Variants in DLGAP2 observed in about 807,000 individuals in gnomAD.
DLGAP2 encodes the protein DLG associated protein 2, also known as disks large-associated protein 2.
A neutral mutation model predicts 100.3 loss-of-function variants in DLGAP2; 26 were observed. That is an observed-to-expected ratio of 0.26 (90% CI 0.19 to 0.36). The LOEUF is 0.36. DLGAP2 is among the 10% of genes least tolerant of loss of function. DLGAP2 has a pLI of 1.00. For synonymous variants in DLGAP2, 886 were observed against 630.1 expected (o/e 1.41, Z -6.08); for missense variants, 1,858 against 1,453.2 (o/e 1.28, Z -4.53).
chr8:1,260,829 C>T (rs1799332212), intron 3 of DLGAP2, among the ~76,000 whole-genome samples: 1 of 152,208 alleles, frequency 6.6e-6, no homozygotes, highest in Admixed American at 6.5e-5. Flanking sequence ...TCGTCCAGAG[C>T]ATGGGGAGGT....
chr8:1,575,018 G>A (rs1039654503), intron 6 of DLGAP2, among the ~76,000 whole-genome samples: 1 of 151,422 alleles, frequency 6.6e-6, no homozygotes, highest in Admixed American at 6.6e-5. Flanking sequence ...CACAGGGACA[G>A]AGAGAGGCAA....
At chr8:990,125 C>G (rs917782380) in intron 2 of DLGAP2, among the ~76,000 whole-genome samples, 1 of 152,076 alleles carries the variant, frequency 6.6e-6, no homozygotes, top group Non-Finnish European at 1.5e-5. Context: ...TACCTCCTTT[C>G]TATCAGCCTG....
intron 3 of DLGAP2, among the ~76,000 whole-genome samples, chr8:1,366,843 G>T (rs1441241869): frequency 6.6e-6 from 1 of 152,188 alleles, no homozygotes; most frequent in Non-Finnish European, 1.5e-5. Flanking sequence ...GAGTTACTGA[G>T]AGATGCAAGA....
chr8:1,225,141 A>C (rs1398007331), intron 2 of DLGAP2, among the ~76,000 whole-genome samples: 1 of 152,250 alleles, frequency 6.6e-6, no homozygotes, highest in Non-Finnish European at 1.5e-5. Flanking sequence ...GTCCATGCTC[A>C]CAGCAGTGCT....
intron 6 of DLGAP2, among the ~76,000 whole-genome samples, chr8:1,603,859 C>G (rs1227762930): frequency 6.6e-6 from 1 of 152,114 alleles, no homozygotes; most frequent in African/African-American, 2.4e-5. Flanking sequence ...GACCACCGTT[C>G]AATATTTGAC....
intron 1 of DLGAP2, among the ~76,000 whole-genome samples, chr8:876,878 T>A (rs943449025): frequency 1.5e-4 from 22 of 151,408 alleles, no homozygotes; most frequent in African/African-American, 3.9e-4. Context: ...TTTTGCAGTT[T>A]GCTTATTCCT....
intron 3 of DLGAP2, among the ~76,000 whole-genome samples, chr8:1,263,499 T>C (rs980272074): frequency 6.6e-6 from 1 of 152,216 alleles, no homozygotes; most frequent in African/African-American, 2.4e-5. Flanking sequence ...TCTCCCTTCA[T>C]AACTCATAAT....
chr8:985,633 C>G (rs1800464578), intron 2 of DLGAP2, among the ~76,000 whole-genome samples: 1 of 152,312 alleles, frequency 6.6e-6, no homozygotes, highest in Non-Finnish European at 1.5e-5. Flanking sequence ...ACATGAAATT[C>G]TAGTAAGTAC....
intron 2 of DLGAP2, among the ~76,000 whole-genome samples, chr8:1,153,309 C>T (rs1796728198): frequency 2.6e-5 from 4 of 152,188 alleles, no homozygotes; most frequent in African/African-American, 9.7e-5. Context: ...TTGGCACTGG[C>T]TATGCCTAAA....
chr8:1,179,619 A>C (rs958108767), intron 2 of DLGAP2, among the ~76,000 whole-genome samples: 1 of 152,170 alleles, frequency 6.6e-6, no homozygotes, highest in Non-Finnish European at 1.5e-5. Flanking sequence ...CTTTGCATGC[A>C]GTTTTAAATA....
rs141941354 is a variant in DLGAP2 at position 1,506,525 on chromosome 8, G to A, written c.172+5094G>A. ...GTGTTGCAGCTCATAAAAGGAGTGCGGACCCAAAGAGTGAGCAACAGCAAG... is the reference window on the plus strand; with the variant it reads ...GTGTTGCAGCTCATAAAAGGAGTGCAGACCCAAAGAGTGAGCAACAGCAAG... On this transcript the variant is annotated intron_variant, in intron 4 of 14. Coordinates refer to ENST00000637795, the MANE Select transcript of DLGAP2 (RefSeq NM_001346810.2). Among the ~76,000 whole-genome samples the A allele has an allele frequency of 3.3e-3, 503 of 152,246 alleles. 4 individuals are homozygous for A. Among genetic ancestry groups the A allele is most frequent in the African/African-American group, 0.011 (453 of 41,524 alleles).
intron 2 of DLGAP2, among the ~76,000 whole-genome samples, chr8:1,088,834 C>A (rs7834618): frequency 3.9e-4 from 9 of 23,216 alleles, no homozygotes; most frequent in Admixed American, 7.6e-4. Context: ...CAGGCTATGC[C>A]ATTCTCGCTC....
intron 1 of DLGAP2, among the ~76,000 whole-genome samples, chr8:898,558 G>A (rs563142826): frequency 2.6e-5 from 4 of 152,142 alleles, no homozygotes; most frequent in African/African-American, 9.7e-5. Context: ...TGCAGGGAAG[G>A]GGCCTGGAGA....
At chr8:1,202,788 T>G (rs62486890) in intron 2 of DLGAP2, among the ~76,000 whole-genome samples, 24,294 of 152,136 alleles carry the variant, frequency 0.16, 2,180 homozygotes, top group Admixed American at 0.21. Context: ...TCCACCCAAA[T>G]GACAATCACC....
intron 3 of DLGAP2, among the ~76,000 whole-genome samples, chr8:1,474,987 C>A (rs1798892852): frequency 6.6e-6 from 1 of 152,186 alleles, no homozygotes; most frequent in Non-Finnish European, 1.5e-5. Context: ...ACCTAGATGC[C>A]CATCAAAGGG....
intron 4 of DLGAP2, among the ~76,000 whole-genome samples, chr8:1,526,857 C>A (rs1337053120): frequency 6.6e-6 from 1 of 152,188 alleles, no homozygotes; most frequent in East Asian, 1.9e-4. Flanking sequence ...TCTCTCTGGG[C>A]AGCCCTCCTG....
chr8:878,112 C>T (rs994834275), intron 1 of DLGAP2, among the ~76,000 whole-genome samples: 6 of 152,158 alleles, frequency 3.9e-5, no homozygotes, highest in Non-Finnish European at 7.3e-5. Flanking sequence ...TGGGAGTCCT[C>T]ATACTGTCAT....
chr8:761,818 G>C (rs1821091474), intron 1 of DLGAP2, among the ~76,000 whole-genome samples: 1 of 152,192 alleles, frequency 6.6e-6, no homozygotes, highest in African/African-American at 2.4e-5. Context: ...CTAGCTTCTT[G>C]CACCAGCTGT....
chr8:1,675,083 C>T (rs2130849415), intron 10 of DLGAP2, among the ~76,000 whole-genome samples: 1 of 152,312 alleles, frequency 6.6e-6, no homozygotes, highest in Admixed American at 6.5e-5. Flanking sequence ...GCTATCAGAA[C>T]ACGCATCCCA....
Sources: allele counts gnomAD v4.1 joint callset (sites outside exome capture counted in the v4.1 genomes callset), GRCh38; gene constraint gnomAD v4.1.1; transcripts MANE v1.5; gene names NCBI Gene and HGNC (gene_info 2026-07-23, HGNC 2026-07-21).